Variants in TBC1D1 observed in about 807,000 individuals in gnomAD.
TBC1D1 encodes TBC1 (tre-2/USP6, BUB2, cdc16) domain family, member 1.
A neutral mutation model predicts 125.6 loss-of-function variants in TBC1D1; 89 were observed. The ratio of observed to expected loss-of-function variants is 0.71; its 90% CI spans 0.60 to 0.85. The LOEUF is 0.85. TBC1D1 is among the 40% of genes least tolerant of loss of function. The pLI, the probability that TBC1D1 is intolerant of heterozygous loss-of-function variation, is 0.00. For missense variants in TBC1D1, 1,377 were observed against 1,469.2 expected, an observed-to-expected ratio of 0.94 and a Z score of 1.03; for synonymous variants, 565 against 564.1, an observed-to-expected ratio of 1.00 and a Z score of -0.02.
intron 11 of TBC1D1, among the ~76,000 whole-genome samples, chr4:38,050,883 G>A (rs1750401447): frequency 6.6e-6 from 1 of 152,218 alleles, no homozygotes; most frequent in Admixed American, 6.5e-5. Flanking sequence ...AGAGTTCTTG[G>A]TTCTTTGGAA....
intron 13 of TBC1D1, among the ~76,000 whole-genome samples, chr4:38,092,875 G>A (rs764318448): frequency 3.0e-4 from 45 of 152,048 alleles, no homozygotes; most frequent in South Asian, 6.2e-4. Flanking sequence ...ATCTTGGGGT[G>A]ACTCACACAC....
intron 2 of TBC1D1, among the ~76,000 whole-genome samples, chr4:37,955,983 A>G (rs1435238409): frequency 1.3e-5 from 2 of 152,164 alleles, no homozygotes; most frequent in African/African-American, 4.8e-5. Flanking sequence ...TTTAAAAAAT[A>G]AAAAATAAAT....
intron 12 of TBC1D1, among the ~76,000 whole-genome samples, chr4:38,055,224 G>C (rs1194990824): frequency 2.0e-5 from 3 of 152,126 alleles, no homozygotes; most frequent in Admixed American, 6.5e-5. Flanking sequence ...GACATTGCTG[G>C]TGCATATCTG....
At chr4:37,957,929 T>TA (rs1729231258) in intron 2 of TBC1D1, among the ~76,000 whole-genome samples, 2 of 152,250 alleles carry the variant, frequency 1.3e-5, no homozygotes, top group Non-Finnish European at 2.9e-5. Flanking sequence ...TATTTTATTT[T>TA]AAAATACCAG....
intron 10 of TBC1D1, among the ~76,000 whole-genome samples, chr4:38,048,728 C>T (rs2152476780): frequency 6.6e-6 from 1 of 152,140 alleles, no homozygotes; most frequent in Non-Finnish European, 1.5e-5. Flanking sequence ...GCTACAATTC[C>T]TCTTTTTGAA....
Position 38,014,821 on chromosome 4 carries a change from C to G in TBC1D1, c.730C>G (p.Leu244Val), listed in dbSNP as rs769870040. 9 of 1,611,428 alleles carry G rather than the reference C, an allele frequency of 5.6e-6. No homozygotes were observed. The highest frequency in any genetic ancestry group is 7.6e-6 in the Non-Finnish European group (9 of 1,178,390). ...CTTCTCCCAGCCCGGCCTGCGCTCG[C>G]TGGCCTTTAGGAAGGAGCTGCAGGA... Residue 244 changes from leucine (L) to valine (V), a missense_variant, in exon 3 of 20, where the codon CTG becomes GTG. Coordinates refer to ENST00000261439, the MANE Select transcript of TBC1D1 (RefSeq NM_015173.4). The surrounding 1 kb of genome is among the most constrained non-coding windows in gnomAD (Gnocchi z 5.1).
At chr4:37,892,037 T>C (rs1713445003) in intron 1 of TBC1D1, among the ~76,000 whole-genome samples, 1 of 152,164 alleles carries the variant, frequency 6.6e-6, no homozygotes, top group African/African-American at 2.4e-5. Flanking sequence ...TAAAAAGAAA[T>C]TGAAAGTGAT....
At chr4:38,011,240 C>A (rs1741415008) in intron 2 of TBC1D1, among the ~76,000 whole-genome samples, 1 of 151,682 alleles carries the variant, frequency 6.6e-6, no homozygotes, top group South Asian at 2.1e-4. Context: ...GTAATCCTAG[C>A]TACTCGGGAG....
At position 38,051,978 on chromosome 4, in the gene TBC1D1, C is replaced by T. The variant is rs117452860; in HGVS notation, c.1910+2080C>T. ...TCCTGCTCCTCCACCTCGTCTTAAC[C>T]CCTCCGCCTCCTCGCCAAACTTTTT... On this transcript the variant is annotated intron_variant, in intron 11 of 19. Coordinates refer to ENST00000261439, the MANE Select transcript of TBC1D1 (RefSeq NM_015173.4). 2.3e-3 allele frequency: 3,632 copies of T among 1,550,870 alleles called. 51 individuals are homozygous for T. In the East Asian group the frequency reaches 0.026, roughly 11 times the overall value.
Position 38,020,713 on chromosome 4 carries a change from A to T in TBC1D1, c.1077+18A>T. ...AGGCTCTGGTGAGAGAGGACAAGCA[A>T]TTCTTACCTTGGAACCTTCTTTACA... On this transcript the variant is annotated intron_variant, in intron 5 of 19. Coordinates refer to ENST00000261439, the MANE Select transcript of TBC1D1 (RefSeq NM_015173.4). 6.2e-7 allele frequency: 1 copy of T among 1,603,510 alleles called. No individual in the cohort carries two copies. Among genetic ancestry groups the T allele is most frequent in the Non-Finnish European group, 8.5e-7 (1 of 1,171,602 alleles).
At chr4:38,116,583 C>T (rs907170931) in intron 16 of TBC1D1, among the ~76,000 whole-genome samples, 6 of 152,272 alleles carry the variant, frequency 3.9e-5, no homozygotes, top group Middle Eastern at 3.4e-3. Context: ...AGGGATCTTA[C>T]GGGTCTTGGA....
Position 38,014,076 on chromosome 4 carries a change from T to C in TBC1D1, c.418-433T>C, listed in dbSNP as rs968607217. ...CATGAGATCTAGAATAATTGAGTCA[T>C]GTTTTGTGAACCACGTTGGAGACAG... On this transcript the variant is annotated intron_variant, in intron 2 of 19. Transcript: ENST00000261439. This position sits in a 1 kb window ranked among gnomAD's most constrained non-coding sequence, Gnocchi z 5.1. Among the ~76,000 whole-genome samples the C allele has an allele frequency of 6.6e-6, 1 of 152,218 alleles. No individual in the cohort carries two copies. The highest frequency in any genetic ancestry group is 1.5e-5 in the Non-Finnish European group (1 of 68,034).
chr4:37,991,737 G>A (rs750999816), intron 2 of TBC1D1, among the ~76,000 whole-genome samples: 1 of 151,976 alleles, frequency 6.6e-6, no homozygotes, highest in Non-Finnish European at 1.5e-5. Flanking sequence ...GGGACCCAGT[G>A]TTGCCTAAAA....
chr4:37,925,696 A>AG (rs1491214296), intron 2 of TBC1D1, among the ~76,000 whole-genome samples: 1 of 147,514 alleles, frequency 6.8e-6, no homozygotes, highest in African/African-American at 2.5e-5. Flanking sequence ...AAAAAAAAAA[A>AG]AGAGAGAAAA....
At chr4:38,132,664 C>T (rs1413955902) in intron 18 of TBC1D1, 1 of 165,646 alleles carries the variant, frequency 6.0e-6, no homozygotes, top group Non-Finnish European at 1.5e-5. Context: ...GACTTGGTGA[C>T]TCTGCAAACA....
In TBC1D1 at chr4:38,124,983, C is replaced by A. The variant is rs1764409471; in HGVS notation, c.2984C>A (p.Thr995Lys). ...TCAGATATGATTTTTCTTCAGGGAA[C>A]AGAGGTCATATTTAAAGTGGCTTTA... The change falls in exon 18 of 20, where the codon ACA (threonine) becomes AAA (lysine). Residue 995 changes from threonine to lysine, a missense_variant. Transcript: ENST00000261439. 1 of 1,613,840 alleles carries A rather than the reference C, an allele frequency of 6.2e-7. No homozygotes were observed. The highest frequency in any genetic ancestry group is 8.5e-7 in the Non-Finnish European group (1 of 1,179,976).
chr4:38,047,045 C>A (rs2152474238), intron 10 of TBC1D1, among the ~76,000 whole-genome samples: 1 of 152,306 alleles, frequency 6.6e-6, no homozygotes, highest in Middle Eastern at 3.4e-3. Context: ...AACACACATA[C>A]CTACACATTC....
In TBC1D1 at chr4:37,960,567, C is replaced by T. The variant is rs544810432; in HGVS notation, c.418-53942C>T. The T allele has an allele frequency of 1.5e-5, 25 of 1,614,120 alleles. No individual in the cohort carries two copies. Among genetic ancestry groups the T allele is most frequent in the South Asian group, 2.2e-5 (2 of 91,070 alleles). On this transcript the variant is annotated intron_variant, in intron 2 of 19. Transcript: ENST00000261439. ...TGGGATATCTCAAGTTTTAACACGA[C>T]GTTTTGGCAAAACATACGATGCTCC... is the stretch of plus-strand genomic sequence containing the variant.
intron 1 of TBC1D1, among the ~76,000 whole-genome samples, chr4:37,899,504 G>GC (rs1715375186): frequency 6.6e-6 from 1 of 152,082 alleles, no homozygotes; most frequent in African/African-American, 2.4e-5. Flanking sequence ...AGTGCAAATT[G>GC]CCCCCCATCT....
Sources: allele counts gnomAD v4.1 joint callset (sites outside exome capture counted in the v4.1 genomes callset), GRCh38; gene constraint gnomAD v4.1.1; non-coding constraint Gnocchi (gnomAD v3.1); transcripts MANE v1.5; gene names NCBI Gene and HGNC (gene_info 2026-07-23, HGNC 2026-07-21).